CHCHD3: variants seen among roughly 807,000 people sequenced by gnomAD.
CHCHD3 encodes the protein MICOS complex subunit MIC19.
CHCHD3 carries 20 observed loss-of-function variants against 38.2 expected under a neutral mutation model. The ratio of observed to expected loss-of-function variants is 0.52; its 90% CI spans 0.37 to 0.76. CHCHD3 has a LOEUF of 0.76. Among genes scored for constraint, CHCHD3 ranks in the 30% least tolerant of loss-of-function variants. The pLI, the probability that CHCHD3 is intolerant of heterozygous loss-of-function variation, is 0.00. For missense variants in CHCHD3, 245 were observed against 279.2 expected, an observed-to-expected ratio of 0.88 and a Z score of 0.87; for synonymous variants, 82 against 100.0, an observed-to-expected ratio of 0.82 and a Z score of 1.07.
intron 2 of CHCHD3, among the ~76,000 whole-genome samples, chr7:133,059,939 C>G (rs941659790): frequency 1.3e-5 from 2 of 152,230 alleles, no homozygotes; most frequent in Admixed American, 1.3e-4. Context: ...ACATGGGAAG[C>G]GAACATACAC....
chr7:132,943,282 G>A (rs1810813317), intron 4 of CHCHD3, among the ~76,000 whole-genome samples: 1 of 152,066 alleles, frequency 6.6e-6, no homozygotes, highest in Non-Finnish European at 1.5e-5. Context: ...AAGAAATGTT[G>A]AAAATTAATA....
At chr7:133,042,104 T>A (rs927524842) in intron 2 of CHCHD3, among the ~76,000 whole-genome samples, 4 of 152,180 alleles carry the variant, frequency 2.6e-5, no homozygotes, top group Non-Finnish European at 5.9e-5. Context: ...CTAGGAAATG[T>A]AAATTATATC....
At chr7:133,054,289 T>TA (rs1043028265) in intron 2 of CHCHD3, among the ~76,000 whole-genome samples, 6 of 152,310 alleles carry the variant, frequency 3.9e-5, no homozygotes, top group Non-Finnish European at 7.4e-5. Flanking sequence ...CTGCTAATAC[T>TA]AAAATAACTT....
intron 4 of CHCHD3, among the ~76,000 whole-genome samples, chr7:132,917,653 T>G (rs977381168): frequency 1.3e-5 from 2 of 152,004 alleles, no homozygotes; most frequent in Non-Finnish European, 2.9e-5. Context: ...GGTCAGGAGA[T>G]CGAGACCATC....
intron 5 of CHCHD3, among the ~76,000 whole-genome samples, chr7:132,871,770 G>T (rs1372467687): frequency 6.6e-6 from 1 of 152,144 alleles, no homozygotes; most frequent in Non-Finnish European, 1.5e-5. Context: ...TGTGTCACAG[G>T]TACCTACCAT....
At chr7:132,831,613 A>C (rs1807653862) in intron 6 of CHCHD3, among the ~76,000 whole-genome samples, 1 of 152,218 alleles carries the variant, frequency 6.6e-6, no homozygotes, top group Admixed American at 6.5e-5. Flanking sequence ...AGAACTTAAT[A>C]GCTCAAACTT....
chr7:132,973,426 A>C (rs1208801409), intron 4 of CHCHD3: 2 of 985,480 alleles, frequency 2.0e-6, no homozygotes, highest in African/African-American at 3.5e-5. Flanking sequence ...CCTTCAGCTT[A>C]GACGTACAAC....
At chr7:133,080,811 C>T (rs1266694305) in intron 1 of CHCHD3, among the ~76,000 whole-genome samples, 1 of 151,994 alleles carries the variant, frequency 6.6e-6, no homozygotes, top group Admixed American at 6.5e-5. Context: ...AGTTTTTAAA[C>T]ATTTTAAATA....
chr7:133,021,420 A>G (rs1403702355), intron 3 of CHCHD3, among the ~76,000 whole-genome samples: 1 of 152,118 alleles, frequency 6.6e-6, no homozygotes, highest in African/African-American at 2.4e-5. Flanking sequence ...TCCTCACCAC[A>G]CACAGTTTTA....
At chr7:132,912,064 T>A (rs1490049411) in intron 4 of CHCHD3, among the ~76,000 whole-genome samples, 1 of 152,218 alleles carries the variant, frequency 6.6e-6, no homozygotes. Flanking sequence ...CTTCACCCTC[T>A]GTAAGCAACT....
intron 5 of CHCHD3, among the ~76,000 whole-genome samples, chr7:132,843,891 A>G (rs58976838): frequency 0.22 from 33,065 of 152,208 alleles, 3,846 homozygotes; most frequent in South Asian, 0.26. Flanking sequence ...GAACAACCAC[A>G]TTCCTATTTC....
At chr7:132,846,074 C>G (rs964450562) in intron 5 of CHCHD3, among the ~76,000 whole-genome samples, 2 of 152,194 alleles carry the variant, frequency 1.3e-5, no homozygotes, top group Non-Finnish European at 2.9e-5. Flanking sequence ...AAATGGCCAC[C>G]ATGCTTTACT....
chr7:132,796,539 G>C lies in CHCHD3; in HGVS notation c.563C>G (p.Ala188Gly), dbSNP rs1383185282. 6.2e-7 allele frequency: 1 copy of C among 1,613,840 alleles called. No individual in the cohort carries two copies. The highest frequency in any genetic ancestry group is 1.1e-5 in the South Asian group (1 of 91,072). ...ESHPVCADLQ[A>G]KILQCYRENT... ...CTCACGGTAACACTGAAGAATTTTG[G>C]CCTGCAGATCAGCACAGACTGGATG... The change falls in exon 7 of 8, where the codon GCC becomes GGC. Residue 188 changes from alanine to glycine, a missense_variant. Ala to Gly is a moderately conservative substitution (Grantham distance 60, BLOSUM62 0). Transcript: ENST00000262570.
intron 5 of CHCHD3, chr7:132,847,206 ATGCAAAGGAGGCTGGGAATCCCAGC>A (rs1292851146): frequency 6.6e-6 from 1 of 152,174 alleles, no homozygotes. Flanking sequence ...CAATTATATC[ATGCAAAGGAGGCTGGGAATCCCAGC>A]TGCAAAGGAG....
rs908325920 is a variant in CHCHD3 at position 132,973,010 on chromosome 7, A to G, written c.369+2159T>C. The G allele has an allele frequency of 6.1e-6, 6 of 985,260 alleles. No homozygotes were observed. The Admixed American group carries it at 1.8e-4, about 30-fold the overall frequency. The allele number at this position is 985,260 out of a possible 1,614,324, so 61.0% of individuals were successfully genotyped here. On this transcript the variant is annotated intron_variant, in intron 4 of 7. Transcript: ENST00000262570. Reference sequence around the variant, plus strand: ...GTTGCTTAATATTTTAGTTATGTTGAGTAACAAATCTTTTGATACTTTCAC... The same window carrying G: ...GTTGCTTAATATTTTAGTTATGTTGGGTAACAAATCTTTTGATACTTTCAC...
chr7:132,833,211 AC>A (rs1254612108), intron 6 of CHCHD3, among the ~76,000 whole-genome samples: 1 of 152,200 alleles, frequency 6.6e-6, no homozygotes, highest in Admixed American at 6.5e-5. Context: ...AGAAACTAGC[AC>A]CCTAAGTTGT....
chr7:132,786,095 T>C (rs1806310214), intron 7 of CHCHD3, among the ~76,000 whole-genome samples: 1 of 152,180 alleles, frequency 6.6e-6, no homozygotes. Flanking sequence ...GGAGGATCCC[T>C]TGAGCCTGGG....
At chr7:132,797,190 C>T (rs1048310442) in intron 6 of CHCHD3, among the ~76,000 whole-genome samples, 5 of 152,214 alleles carry the variant, frequency 3.3e-5, no homozygotes, top group Non-Finnish European at 7.3e-5. Context: ...GGCCTTCACC[C>T]CCCAACCCTG....
intron 2 of CHCHD3, among the ~76,000 whole-genome samples, chr7:133,041,620 A>G (rs1813837308): frequency 6.6e-6 from 1 of 152,222 alleles, no homozygotes; most frequent in Admixed American, 6.5e-5. Context: ...GCAAGGGTCC[A>G]GTACAAATCT....
Sources: gnomAD v4.1 joint callset for allele counts (sites outside exome capture counted in the v4.1 genomes callset) on GRCh38, gnomAD v4.1.1 for gene constraint, MANE v1.5 for transcripts, NCBI Gene and HGNC (gene_info 2026-07-23, HGNC 2026-07-21) for gene names.